ECPAS: variants seen among roughly 807,000 people sequenced by gnomAD.
The protein encoded by ECPAS is Ecm29 proteasome adaptor and scaffold.
In ECPAS, 70 loss-of-function variants were observed where a neutral mutation model predicts 255.1. The ratio of observed to expected loss-of-function variants is 0.27; its 90% CI spans 0.23 to 0.33. The LOEUF (loss-of-function observed/expected upper bound fraction) is 0.33, where lower values mean the gene tolerates loss of function less well. ECPAS is among the 10% of genes least tolerant of loss of function. The pLI, the probability that ECPAS is intolerant of heterozygous loss-of-function variation, is 1.00. For synonymous variants in ECPAS, 784 were observed against 775.0 expected (o/e 1.01, Z -0.19); for missense variants, 1,817 against 2,206.4 (o/e 0.82, Z 3.54).
chr9:111,481,812 C>T (rs1328934308), intron 1 of ECPAS, among the ~76,000 whole-genome samples: 2 of 152,136 alleles, frequency 1.3e-5, no homozygotes, highest in East Asian at 3.8e-4. Context: ...ATGGATGAAC[C>T]TTGAGGACAT....
intron 1 of ECPAS, among the ~76,000 whole-genome samples, chr9:111,473,223 T>C (rs546390448): frequency 2.0e-5 from 3 of 152,268 alleles, no homozygotes; most frequent in African/African-American, 7.2e-5. Flanking sequence ...CTTCAAAAAA[T>C]ACACTGATAA....
intron 31 of ECPAS, among the ~76,000 whole-genome samples, chr9:111,386,753 C>A (rs554325535): frequency 6.6e-6 from 1 of 152,192 alleles, no homozygotes; most frequent in Non-Finnish European, 1.5e-5. Context: ...TCATCCAGAC[C>A]CAAAAGTACC....
Position 111,370,485 on chromosome 9 carries a change from C to G in ECPAS, c.4924G>C (p.Glu1642Gln), listed in dbSNP as rs1279099464. The change falls in exon 45 of 50, where the codon GAG (glutamate) becomes CAG (glutamine). Residue 1642 changes from glutamate (E) to glutamine (Q), a missense_variant. Physicochemically the swap from Glu to Gln is conservative, Grantham distance 29. This residue lies in a region of ECPAS where 960 missense variants were observed against 1,179.0 expected (regional missense o/e 0.81). Transcript: ENST00000684092. ...TTAGAGAACTCCTGGAATCTGTCCT[C>G]TTTGGTGGCCTTCAAGATATCAGCT... ...CAADILKATKEDRFQEFSNIV... is the reference protein window; with the variant it reads ...CAADILKATKQDRFQEFSNIV... The G allele has an allele frequency of 1.2e-6, 2 of 1,611,096 alleles. No homozygotes were observed. Among genetic ancestry groups the G allele is most frequent in the Middle Eastern group, 1.7e-4 (1 of 6,048 alleles).
At chr9:111,416,736 G>A (rs558341364) in intron 17 of ECPAS, among the ~76,000 whole-genome samples, 72 of 152,246 alleles carry the variant, frequency 4.7e-4, no homozygotes, top group Non-Finnish European at 7.1e-4. Context: ...AATCATGGCC[G>A]CTGCATACTG....
At chr9:111,363,701 A>T in intron 48 of ECPAS, 42 bp from the exon 49 acceptor site, 1 of 898,746 alleles carries the variant, frequency 1.1e-6, no homozygotes, top group South Asian at 1.5e-5. Flanking sequence ...CTGCCTGAAA[A>T]ACACAACCTC....
In ECPAS at chr9:111,475,190, T is replaced by C. The variant is rs145590118; in HGVS notation, c.-82-2190A>G. On this transcript the variant is annotated intron_variant, in intron 1 of 49. Coordinates refer to ENST00000684092, the MANE Select transcript of ECPAS (RefSeq NM_001364929.1). ...TCTGAGGACAGCACCATACATTATT[T>C]ACTCAATTTTAAAAGTCTGCTTATT... Among the ~76,000 whole-genome samples, 403 of 152,334 alleles carry C rather than the reference T, an allele frequency of 2.6e-3. 1 individual carries two copies. The highest frequency in any genetic ancestry group is 8.4e-3 in the Admixed American group (128 of 15,296).
intron 3 of ECPAS, among the ~76,000 whole-genome samples, chr9:111,446,030 G>C (rs2098252479): frequency 6.6e-6 from 1 of 152,176 alleles, no homozygotes; most frequent in South Asian, 2.1e-4. Context: ...TGGCTGCATA[G>C]TAGTCCATGG....
In ECPAS at chr9:111,389,827, A is replaced by G; in HGVS notation, c.3280-104T>C. ...CTTATGCCTAAATACAGCCTGATTT[A>G]TTGGTCTTTCCAATCAACAGCATTT... is the stretch of plus-strand genomic sequence containing the variant. On this transcript the variant is annotated intron_variant, in intron 30 of 49. Transcript: ENST00000684092. 3 of 1,284,624 alleles carry G rather than the reference A, an allele frequency of 2.3e-6. No individual in the cohort carries two copies. The African/African-American group carries it at 4.5e-5, about 19-fold the overall frequency. The allele number at this position is 1,284,624 out of a possible 1,614,324, so 79.6% of individuals were successfully genotyped here. A position where few individuals can be genotyped will look rare whatever the true frequency, so the allele number is the denominator to read the frequency against.
In ECPAS at chr9:111,412,152, A is replaced by G; in HGVS notation, c.2080-4T>C. The G allele has an allele frequency of 6.4e-7, 1 of 1,561,026 alleles. No homozygotes were observed. The highest frequency in any genetic ancestry group is 8.6e-7 in the Non-Finnish European group (1 of 1,164,328). ...CTTTACTGTTATTCATCAGACTCTG[A>G]GCAGTATAAAAAAAAAACAAATATA... On this transcript the variant is annotated splice_polypyrimidine_tract_variant and splice_region_variant and intron_variant, in intron 20 of 49. Transcript: ENST00000684092.
chr9:111,385,569 G>A (rs1308550398), intron 32 of ECPAS, 127 bp from the exon 33 acceptor site: 3 of 645,486 alleles, frequency 4.6e-6, no homozygotes, highest in African/African-American at 3.7e-5. Context: ...CCCCAAAACA[G>A]CAATGACTTC....
chr9:111,398,661 G>C (rs1415620503), intron 24 of ECPAS, among the ~76,000 whole-genome samples: 2 of 152,192 alleles, frequency 1.3e-5, no homozygotes. Flanking sequence ...TTCAGGCCAG[G>C]TGCAGTGGCT....
At chr9:111,400,709 G>C (rs967749987) in intron 24 of ECPAS, among the ~76,000 whole-genome samples, 1 of 152,140 alleles carries the variant, frequency 6.6e-6, no homozygotes, top group Non-Finnish European at 1.5e-5. Context: ...CTCTGAGACA[G>C]GCTACTTGAA....
chr9:111,451,104 T>G (rs1277145581), intron 3 of ECPAS, among the ~76,000 whole-genome samples: 1 of 152,192 alleles, frequency 6.6e-6, no homozygotes, highest in African/African-American at 2.4e-5. Flanking sequence ...AAGAATATTT[T>G]TGCCCCATTA....
intron 7 of ECPAS, among the ~76,000 whole-genome samples, chr9:111,436,622 T>C (rs1163729176): frequency 6.6e-6 from 1 of 151,714 alleles, no homozygotes; most frequent in African/African-American, 2.4e-5. Context: ...AATTAAAAAA[T>C]TAAAATTACA....
At chr9:111,477,337 C>T (rs1332095212) in intron 1 of ECPAS, among the ~76,000 whole-genome samples, 1 of 152,058 alleles carries the variant, frequency 6.6e-6, no homozygotes, top group Non-Finnish European at 1.5e-5. Context: ...GTCTTGAACT[C>T]CTGCTCTCAA....
At chr9:111,425,152 C>A (rs1190672993) in intron 12 of ECPAS, among the ~76,000 whole-genome samples, 1 of 151,408 alleles carries the variant, frequency 6.6e-6, no homozygotes, top group Non-Finnish European at 1.5e-5. Flanking sequence ...TGCCATTGCA[C>A]TCCAGCCTGG....
At chr9:111,402,704 A>C (rs1465767379) in intron 24 of ECPAS, among the ~76,000 whole-genome samples, 1 of 152,206 alleles carries the variant, frequency 6.6e-6, no homozygotes, top group Admixed American at 6.5e-5. Context: ...CAGAGTTTTT[A>C]AGTTTTTTCT....
chr9:111,405,541 A>C lies in ECPAS; in HGVS notation c.2652+3030T>G, dbSNP rs146538277. On this transcript the variant is annotated intron_variant, in intron 24 of 49. Coordinates refer to ENST00000684092, the MANE Select transcript of ECPAS (RefSeq NM_001364929.1). Reference sequence around the variant, plus strand: ...CAGACAACTAAAGCAAAAATTGACAAATGGGATTATATCAAGCTAAAAAGC... The same window carrying C: ...CAGACAACTAAAGCAAAAATTGACACATGGGATTATATCAAGCTAAAAAGC... Among the ~76,000 whole-genome samples, 14 of 149,966 alleles carry C rather than the reference A, an allele frequency of 9.3e-5. 2 individuals carry two copies. The East Asian group carries it at 2.8e-3, about 30-fold the overall frequency.
intron 1 of ECPAS, among the ~76,000 whole-genome samples, chr9:111,479,663 T>A (rs1435044553): frequency 1.3e-5 from 2 of 151,900 alleles, no homozygotes; most frequent in Non-Finnish European, 2.9e-5. Flanking sequence ...TACTATTTTT[T>A]AAAAAATAAA....
Sources: allele counts gnomAD v4.1 joint callset (sites outside exome capture counted in the v4.1 genomes callset), GRCh38; gene constraint gnomAD v4.1.1; regional missense constraint gnomAD v4.1.1; transcripts MANE v1.5; gene names NCBI Gene and HGNC (gene_info 2026-07-23, HGNC 2026-07-21).